The following GRXCR1 variants were observed in gnomAD, a reference collection of about 807,000 sequenced individuals.
GRXCR1 encodes glutaredoxin and cysteine rich domain containing 1.
GRXCR1 carries 27 observed loss-of-function variants against 27.3 expected under a neutral mutation model. The observed-to-expected ratio is 0.99, with a 90% CI of 0.73 to 1.37. The LOEUF (loss-of-function observed/expected upper bound fraction) is 1.37, where lower values mean the gene tolerates loss of function less well. Among genes scored for constraint, GRXCR1 ranks in the 40% most tolerant of loss-of-function variants. The pLI is 0.00. For missense variants in GRXCR1, 379 were observed against 354.4 expected, an observed-to-expected ratio of 1.07 and a Z score of -0.56; for synonymous variants, 122 against 131.1, an observed-to-expected ratio of 0.93 and a Z score of 0.47.
chr4:42,919,578 T>A (rs556228522), intron 1 of GRXCR1, among the ~76,000 whole-genome samples: 2 of 152,004 alleles, frequency 1.3e-5, no homozygotes, highest in Non-Finnish European at 2.9e-5. Flanking sequence ...GCCTTCAGAG[T>A]TGAGGGCTCA....
At chr4:42,944,949 T>G (rs921975797) in intron 1 of GRXCR1, among the ~76,000 whole-genome samples, 1 of 152,144 alleles carries the variant, frequency 6.6e-6, no homozygotes, top group Non-Finnish European at 1.5e-5. Context: ...GTCTGAATGT[T>G]TGTACACTCT....
At chr4:43,010,957 G>T (rs1380819392) in intron 2 of GRXCR1, among the ~76,000 whole-genome samples, 1 of 152,128 alleles carries the variant, frequency 6.6e-6, no homozygotes, top group Non-Finnish European at 1.5e-5. Flanking sequence ...GTTTTGAGGG[G>T]TTAAATATCT....
chr4:42,937,041 C>T (rs1017181938), intron 1 of GRXCR1, among the ~76,000 whole-genome samples: 2 of 151,914 alleles, frequency 1.3e-5, no homozygotes, highest in African/African-American at 4.8e-5. Flanking sequence ...TTACACTCTA[C>T]TTCCTTGAGA....
chr4:42,994,643 A>T (rs949983245), intron 2 of GRXCR1, among the ~76,000 whole-genome samples: 2 of 152,150 alleles, frequency 1.3e-5, no homozygotes, highest in Non-Finnish European at 2.9e-5. Flanking sequence ...AAAGTGAGAG[A>T]TATATTGTGA....
chr4:42,893,757 T>C, intron 1 of GRXCR1, 107 bp downstream of exon 1: 3 of 1,043,996 alleles, frequency 2.9e-6, no homozygotes, highest in Non-Finnish European at 3.0e-6. Context: ...AACTCCTACA[T>C]GCTTCATGAG....
chr4:43,015,792 T>C (rs559306751), intron 2 of GRXCR1, among the ~76,000 whole-genome samples: 19 of 151,466 alleles, frequency 1.3e-4, no homozygotes, highest in Middle Eastern at 3.5e-3. Context: ...TATATATGTA[T>C]ATATGTGCAT....
intron 1 of GRXCR1, among the ~76,000 whole-genome samples, chr4:42,923,620 T>TA (rs1286342914): frequency 1.3e-5 from 2 of 152,128 alleles, no homozygotes; most frequent in African/African-American, 2.4e-5. Context: ...GTTAACAATT[T>TA]AATTCCTTTT....
intron 1 of GRXCR1, among the ~76,000 whole-genome samples, chr4:42,907,318 T>C (rs913576896): frequency 6.6e-6 from 1 of 152,178 alleles, no homozygotes; most frequent in Non-Finnish European, 1.5e-5. Flanking sequence ...ATCTGCTTCC[T>C]TCCATTAAGT....
At chr4:43,014,366 C>T (rs917973389) in intron 2 of GRXCR1, among the ~76,000 whole-genome samples, 1 of 152,084 alleles carries the variant, frequency 6.6e-6, no homozygotes, top group Non-Finnish European at 1.5e-5. Context: ...TGAAACCTCC[C>T]ATTTTTGATG....
At chr4:42,910,940 C>A (rs1746710259) in intron 1 of GRXCR1, among the ~76,000 whole-genome samples, 1 of 152,062 alleles carries the variant, frequency 6.6e-6, no homozygotes, top group Admixed American at 6.6e-5. Flanking sequence ...TGGAAGTTTC[C>A]ATGGTTCTCC....
intron 3 of GRXCR1, among the ~76,000 whole-genome samples, chr4:43,027,190 T>C (rs1011281653): frequency 6.6e-6 from 1 of 152,232 alleles, no homozygotes; most frequent in African/African-American, 2.4e-5. Flanking sequence ...GTGCCTACTA[T>C]GTGTCAGGCA....
intron 1 of GRXCR1, among the ~76,000 whole-genome samples, chr4:42,939,890 C>T (rs1316114950): frequency 6.6e-6 from 1 of 151,990 alleles, no homozygotes; most frequent in Non-Finnish European, 1.5e-5. Flanking sequence ...CATCTGTGTT[C>T]CTGATCTAGT....
At chr4:42,966,797 G>T (rs1748247725) in intron 2 of GRXCR1, among the ~76,000 whole-genome samples, 1 of 152,068 alleles carries the variant, frequency 6.6e-6, no homozygotes, top group Admixed American at 6.6e-5. Flanking sequence ...GACATATGAT[G>T]TGGAACATCT....
chr4:42,992,684 T>C (rs1404577028), intron 2 of GRXCR1, among the ~76,000 whole-genome samples: 2 of 152,090 alleles, frequency 1.3e-5, no homozygotes, highest in East Asian at 1.9e-4. Flanking sequence ...GATCCAAGCA[T>C]ACGACATGGT....
chr4:42,937,202 G>T (rs556058215), intron 1 of GRXCR1, among the ~76,000 whole-genome samples: 1 of 151,652 alleles, frequency 6.6e-6, no homozygotes, highest in African/African-American at 2.4e-5. Flanking sequence ...ACTTTATTTT[G>T]TTGCTCAAAT....
chr4:43,013,443 A>T (rs896513463), intron 2 of GRXCR1, among the ~76,000 whole-genome samples: 1 of 152,120 alleles, frequency 6.6e-6, no homozygotes, highest in Non-Finnish European at 1.5e-5. Context: ...GTACTCATGG[A>T]CATAAAGATG....
chr4:42,895,748 T>C (rs1430870997), intron 1 of GRXCR1, among the ~76,000 whole-genome samples: 2 of 152,136 alleles, frequency 1.3e-5, no homozygotes, highest in Admixed American at 6.6e-5. Flanking sequence ...TGGGGTAATG[T>C]ACATCTTAGG....
chr4:42,945,773 T>C (rs908496652), intron 1 of GRXCR1, among the ~76,000 whole-genome samples: 1 of 152,178 alleles, frequency 6.6e-6, no homozygotes, highest in Non-Finnish European at 1.5e-5. Context: ...AGGATAACGA[T>C]GCTCTCTGTC....
chr4:42,918,434 T>C (rs1746935271), intron 1 of GRXCR1, among the ~76,000 whole-genome samples: 1 of 152,086 alleles, frequency 6.6e-6, no homozygotes, highest in Non-Finnish European at 1.5e-5. Flanking sequence ...CCCCATTTTC[T>C]CCTCTATGTT....
Sources: gnomAD v4.1 joint callset for allele counts (sites outside exome capture counted in the v4.1 genomes callset) on GRCh38, gnomAD v4.1.1 for gene constraint, MANE v1.5 for transcripts, NCBI Gene and HGNC (gene_info 2026-07-23, HGNC 2026-07-21) for gene names.